IL23R: variants seen among roughly 807,000 people sequenced by gnomAD.
The protein encoded by IL23R is interleukin 23 receptor, also known as interleukin-23 receptor.
Under a neutral mutation model 56.9 loss-of-function variants are expected in IL23R, and 34 were observed. That is an observed-to-expected ratio of 0.60 (90% confidence interval 0.45 to 0.80). The LOEUF is 0.80. IL23R is among the 30% of genes least tolerant of loss of function. The pLI is 0.00. For missense variants in IL23R, 635 were observed against 730.0 expected, an observed-to-expected ratio of 0.87 and a Z score of 1.50; for synonymous variants, 230 against 249.2, an observed-to-expected ratio of 0.92 and a Z score of 0.73.
At chr1:67,139,045 G>A (rs1486807264) in exon 1 of IL23R, 1 of 152,320 alleles carries the variant, frequency 6.6e-6, no homozygotes, top group Non-Finnish European at 1.5e-5. Context: ...TCCTAAGAGT[G>A]GAGTCAATCC....
chr1:67,253,317 C>A (rs1652753233), intron 9 of IL23R, among the ~76,000 whole-genome samples: 1 of 152,126 alleles, frequency 6.6e-6, no homozygotes, highest in Non-Finnish European at 1.5e-5. Context: ...AAAAGCAAGA[C>A]CCTTGGATTT....
chr1:67,219,254 G>T (rs1379285377), intron 6 of IL23R, among the ~76,000 whole-genome samples: 1 of 152,042 alleles, frequency 6.6e-6, no homozygotes, highest in African/African-American at 2.4e-5. Context: ...TGTAATCCCA[G>T]TTACTTGGGA....
chr1:67,231,305 T>G (rs1160252699), intron 7 of IL23R, among the ~76,000 whole-genome samples: 1 of 152,220 alleles, frequency 6.6e-6, no homozygotes, highest in African/African-American at 2.4e-5. Context: ...TTATGTACAA[T>G]GATATACATC....
At chr1:67,169,792 C>T (rs10889664) in intron 3 of IL23R, among the ~76,000 whole-genome samples, 154 bp downstream of exon 3, 47,541 of 151,992 alleles carry the variant, frequency 0.31, 8,043 homozygotes, top group Admixed American at 0.46. Flanking sequence ...TCTCCAGGGC[C>T]AGGTTGGTGA....
intron 1 of IL23R, among the ~76,000 whole-genome samples, chr1:67,148,977 G>A (rs187858722): frequency 1.5e-3 from 227 of 152,262 alleles, no homozygotes; most frequent in Non-Finnish European, 2.5e-3. Context: ...GGCTGCCCTA[G>A]CCAACCGTCA....
In IL23R at chr1:67,186,596, CT is replaced by C. The variant is rs537275702; in HGVS notation, c.491+3641del. On this transcript the variant is annotated intron_variant, in intron 4 of 10. Coordinates refer to ENST00000347310, the MANE Select transcript of IL23R (RefSeq NM_144701.3). ...TAAAAGGAATCATATAATATGTGGT[CT>C]TTTGTGACTGGCTTCTTTCATTTAG... Among the ~76,000 whole-genome samples the C allele has an allele frequency of 3.0e-4, 45 of 152,264 alleles. No homozygotes were observed. In the South Asian group the frequency reaches 9.3e-3, roughly 32 times the overall value.
intron 3 of IL23R, among the ~76,000 whole-genome samples, chr1:67,178,412 C>T (rs1647041774): frequency 6.6e-6 from 1 of 152,140 alleles, no homozygotes; most frequent in African/African-American, 2.4e-5. Context: ...TGATTTGGCT[C>T]TCCATTTGTC....
At chr1:67,205,439 G>A (rs920289443) in intron 5 of IL23R, among the ~76,000 whole-genome samples, 2 of 152,088 alleles carry the variant, frequency 1.3e-5, no homozygotes, top group African/African-American at 4.8e-5. Context: ...CTAAAACCAC[G>A]CCTACAGGCC....
At chr1:67,211,449 C>T (rs369920844) in intron 6 of IL23R, among the ~76,000 whole-genome samples, 1 of 152,078 alleles carries the variant, frequency 6.6e-6, no homozygotes, top group Non-Finnish European at 1.5e-5. Context: ...GGCAAAACCC[C>T]GTCTCTACTG....
intron 4 of IL23R, among the ~76,000 whole-genome samples, chr1:67,186,575 A>C (rs1647351578): frequency 6.6e-6 from 1 of 152,168 alleles, no homozygotes; most frequent in African/African-American, 2.4e-5. Flanking sequence ...TTCATGTAAA[A>C]GGAATCATAT....
At chr1:67,257,494 G>A (rs1465075659) in intron 10 of IL23R, among the ~76,000 whole-genome samples, 1 of 152,108 alleles carries the variant, frequency 6.6e-6, no homozygotes, top group Non-Finnish European at 1.5e-5. Flanking sequence ...ATGTGAGGGG[G>A]GCTGGGGAGA....
intron 6 of IL23R, among the ~76,000 whole-genome samples, chr1:67,215,941 C>T (rs1649804970): frequency 6.6e-6 from 1 of 152,174 alleles, no homozygotes; most frequent in South Asian, 2.1e-4. Flanking sequence ...CCTACCATCT[C>T]ACTGTCTCCT....
At chr1:67,262,711 A>G (rs1653230067), downstream of IL23R, among the ~76,000 whole-genome samples, 2 of 152,120 alleles carry the variant, frequency 1.3e-5, no homozygotes, top group African/African-American at 2.4e-5. Context: ...TCTTGTGTCT[A>G]TTATTAACTT....
rs1647166800 is a variant in IL23R at position 67,182,684 on chromosome 1, T to TGAGATGA, written c.368-152_368-151insGAGATGA. 4 of 790,120 alleles carry TGAGATGA rather than the reference T, an allele frequency of 5.1e-6. No individual in the cohort carries two copies. In the East Asian group the frequency reaches 1.1e-4, roughly 22 times the overall value. 48.9% of individuals were successfully genotyped at this position (790,120 alleles called of 1,614,324 possible). ...ATAAACCCCAGTGAGATGAACCCGGTACCTCAGTTGGAAATGAAGAAATCG... is the reference window on the plus strand; with the variant it reads ...ATAAACCCCAGTGAGATGAACCCGGTGAGATGAACCTCAGTTGGAAATGAAGAAATCG... On this transcript the variant is annotated intron_variant, in intron 3 of 10. Transcript: ENST00000347310.
upstream of IL23R, among the ~76,000 whole-genome samples, chr1:67,163,956 A>G (rs1429500599): frequency 1.3e-5 from 2 of 152,230 alleles, no homozygotes; most frequent in Non-Finnish European, 2.9e-5. Flanking sequence ...GGTCTGGGTA[A>G]AAATATTTTT....
intron 3 of IL23R, among the ~76,000 whole-genome samples, chr1:67,179,102 G>C (rs879141162): frequency 6.6e-6 from 1 of 152,176 alleles, no homozygotes; most frequent in African/African-American, 2.4e-5. Flanking sequence ...TCTCTGCCAG[G>C]CTTTGGTATC....
intron 1 of IL23R, among the ~76,000 whole-genome samples, chr1:67,155,679 T>C (rs1315143501): frequency 1.3e-5 from 2 of 152,236 alleles, no homozygotes; most frequent in Non-Finnish European, 2.9e-5. Flanking sequence ...GTTATCCTAG[T>C]TAGCAGCTCC....
Position 67,222,039 on chromosome 1 carries a change from T to C in IL23R, c.955+2309T>C, listed in dbSNP as rs138139596. Among the ~76,000 whole-genome samples, 169 of 151,042 alleles carry C rather than the reference T, an allele frequency of 1.1e-3. 1 individual carries two copies. Among genetic ancestry groups the C allele is most frequent in the African/African-American group, 4.0e-3 (164 of 41,316 alleles). ...AAATAAAAATAAATAGAAATTAAAT[T>C]TAAAAATGTTAAAATGAAGAAACAA... On this transcript the variant is annotated intron_variant, in intron 7 of 10. Transcript: ENST00000347310.
intron 9 of IL23R, among the ~76,000 whole-genome samples, chr1:67,249,324 T>C (rs1652467186): frequency 6.6e-6 from 1 of 152,240 alleles, no homozygotes; most frequent in Non-Finnish European, 1.5e-5. Context: ...GAGTGCTTTT[T>C]AGCATCCTTT....
Sources: gnomAD v4.1 joint callset for allele counts (sites outside exome capture counted in the v4.1 genomes callset) on GRCh38, gnomAD v4.1.1 for gene constraint, MANE v1.5 for transcripts, NCBI Gene and HGNC (gene_info 2026-07-23, HGNC 2026-07-21) for gene names.